Variants in PCDHGB1 observed in about 807,000 individuals in gnomAD.
The protein encoded by PCDHGB1 is protocadherin gamma subfamily B, 1.
A neutral mutation model predicts 56.6 loss-of-function variants in PCDHGB1; 34 were observed. The ratio of observed to expected loss-of-function variants is 0.60; its 90% confidence interval spans 0.46 to 0.80. The LOEUF (loss-of-function observed/expected upper bound fraction) is 0.80, where lower values mean the gene tolerates loss of function less well. PCDHGB1 is among the 30% of genes least tolerant of loss of function. The pLI, the probability that PCDHGB1 is intolerant of heterozygous loss-of-function variation, is 0.00. For synonymous variants in PCDHGB1, 561 were observed against 505.9 expected, an observed-to-expected ratio of 1.11 and a Z score of -1.46; for missense variants, 1,278 against 1,204.6, an observed-to-expected ratio of 1.06 and a Z score of -0.90.
At chr5:141,409,330 C>T (rs920851409) in intron 1 of PCDHGB1, 1 of 1,613,836 alleles carries the variant, frequency 6.2e-7, no homozygotes, top group African/African-American at 1.3e-5. Flanking sequence ...ATCTGGATTT[C>T]GGAGGAAATG....
At chr5:141,361,701 T>A (rs376967719) in intron 1 of PCDHGB1, 65 of 1,613,296 alleles carry the variant, frequency 4.0e-5, no homozygotes, top group Non-Finnish European at 5.5e-5. Context: ...CCTTCGATCA[T>A]GAGCAGCTGC....
At chr5:141,361,983 C>T (rs1762266542) in intron 1 of PCDHGB1, 2 of 1,601,638 alleles carry the variant, frequency 1.2e-6, no homozygotes, top group East Asian at 2.2e-5. Flanking sequence ...AGCCCGGGCT[C>T]TTCAGCCTGG....
At position 141,489,861 on chromosome 5, in the gene PCDHGB1, A is replaced by G. The variant is rs1221756350; in HGVS notation, c.2410-4946A>G. The G allele has an allele frequency of 1.2e-5, 19 of 1,614,058 alleles. No individual in the cohort carries two copies. Among genetic ancestry groups the G allele is most frequent in the Non-Finnish European group, 1.5e-5 (18 of 1,179,998 alleles). On this transcript the variant is annotated intron_variant, in intron 1 of 3. Transcript: ENST00000523390. The surrounding 1 kb of genome is among the most constrained non-coding windows in gnomAD (Gnocchi z 4.5). ...AGCTGGATCGTGAAGCCCAGGCAAGACATCAGCTGGTGCTTACTGCTGTGG... is the reference window on the plus strand; with the variant it reads ...AGCTGGATCGTGAAGCCCAGGCAAGGCATCAGCTGGTGCTTACTGCTGTGG...
chr5:141,463,615 A>G (rs1336539466), intron 1 of PCDHGB1, among the ~76,000 whole-genome samples: 1 of 151,408 alleles, frequency 6.6e-6, no homozygotes, highest in Admixed American at 6.6e-5. Context: ...TGCCCGGCTA[A>G]TTTTTTGTAT....
chr5:141,394,826 C>G, intron 1 of PCDHGB1: 1 of 1,613,882 alleles, frequency 6.2e-7, no homozygotes, highest in Non-Finnish European at 8.5e-7. Context: ...TCCCCGAAGT[C>G]CTGACCGAGT....
chr5:141,437,306 C>T (rs1462689998), intron 1 of PCDHGB1, among the ~76,000 whole-genome samples: 1 of 152,104 alleles, frequency 6.6e-6, no homozygotes, highest in Non-Finnish European at 1.5e-5. Flanking sequence ...CAAGTTAAAG[C>T]GTTCAGCTAT....
chr5:141,415,590 A>G lies in PCDHGB1; in HGVS notation c.2409+62921A>G, dbSNP rs201666137. On this transcript the variant is annotated intron_variant, in intron 1 of 3. Transcript: ENST00000523390. ...TGTTAGATGATTCGAAGTTTCCTAT[A>G]GAGGATACCCCATTGGTTCCAGTGA... 60 of 1,613,946 alleles carry G rather than the reference A, an allele frequency of 3.7e-5. 1 individual carries two copies. The African/African-American group carries it at 7.2e-4, about 19-fold the overall frequency.
intron 1 of PCDHGB1, among the ~76,000 whole-genome samples, chr5:141,462,688 A>G (rs919098530): frequency 3.9e-5 from 6 of 152,126 alleles, no homozygotes; most frequent in African/African-American, 1.4e-4. Flanking sequence ...TTTTGAGCAC[A>G]TTTATAATGG....
intron 1 of PCDHGB1, among the ~76,000 whole-genome samples, chr5:141,455,172 G>GT (rs1344126228): frequency 3.3e-5 from 5 of 150,340 alleles, no homozygotes; most frequent in South Asian, 4.2e-4. Context: ...TTTTTTTTTA[G>GT]TTTTTTTATT....
rs370792537 is a variant in PCDHGB1 at position 141,370,669 on chromosome 5, G to A, written c.2409+18000G>A. ...TTACTTGTGAGCGACCGTATAGACC[G>A]AGAGGAGATTTGTGGCAAGAAGTCG... is the stretch of plus-strand genomic sequence containing the variant. On this transcript the variant is annotated intron_variant, in intron 1 of 3. Coordinates refer to ENST00000523390, the MANE Select transcript of PCDHGB1 (RefSeq NM_018922.3). The A allele has an allele frequency of 5.6e-6, 9 of 1,613,788 alleles. No homozygotes were observed. In the East Asian group the frequency reaches 1.1e-4, roughly 20 times the overall value.
Position 141,485,859 on chromosome 5 carries a change from G to A in PCDHGB1, c.2410-8948G>A, listed in dbSNP as rs1272239385. ...CCGAGATCTGGCACCGCAGAGCTCC[G>A]GGTATCCGTGCTGGACGTAAACGAC... On this transcript the variant is annotated intron_variant, in intron 1 of 3. Transcript: ENST00000523390. This position sits in a 1 kb window ranked among gnomAD's most constrained non-coding sequence, Gnocchi z 5.7. 3.7e-6 allele frequency: 6 copies of A among 1,614,046 alleles called. No homozygotes were observed. Among genetic ancestry groups the A allele is most frequent in the Admixed American group, 3.3e-5 (2 of 60,000 alleles).
At chr5:141,484,120 C>A (rs1158603108) in intron 1 of PCDHGB1, among the ~76,000 whole-genome samples, 1 of 152,146 alleles carries the variant, frequency 6.6e-6, no homozygotes, top group African/African-American at 2.4e-5. Flanking sequence ...ATCAAGAATA[C>A]CTTGGTGTCA....
At chr5:141,395,134 A>G (rs1468654358) in intron 1 of PCDHGB1, 7 of 1,614,062 alleles carry the variant, frequency 4.3e-6, no homozygotes, top group Middle Eastern at 1.6e-4. Flanking sequence ...CCCCAGCCCA[A>G]CTACGCAGAC....
rs889945954 is a variant in PCDHGB1, at chr5:141,489,368, C to A, written c.2410-5439C>A. The A allele has an allele frequency of 2.5e-6, 4 of 1,613,384 alleles. No homozygotes were observed. Among genetic ancestry groups the A allele is most frequent in the Non-Finnish European group, 3.4e-6 (4 of 1,179,478 alleles). On this transcript the variant is annotated intron_variant, in intron 1 of 3. Coordinates refer to ENST00000523390, the MANE Select transcript of PCDHGB1 (RefSeq NM_018922.3). The surrounding 1 kb of genome is among the most constrained non-coding windows in gnomAD (Gnocchi z 4.5). ...GTGGTGGAGGAGTCTGAGCCGGGGA[C>A]GCTGGTGGGGAATGTTGCTCAGGAT...
rs189405542 is a variant in PCDHGB1, at chr5:141,370,398, G to A, written c.2409+17729G>A. On this transcript the variant is annotated intron_variant, in intron 1 of 3. Transcript: ENST00000523390. ...AGGCAAAGGCGCAGAGAGCGGGATG[G>A]GAAATAGCTCCGGATGGAGGGGCCC... 5 of 1,550,336 alleles carry A rather than the reference G, an allele frequency of 3.2e-6. No individual in the cohort carries two copies. In the Admixed American group the frequency reaches 1.0e-4, roughly 32 times the overall value.
chr5:141,408,846 TGGACGGA>T, intron 1 of PCDHGB1: 1 of 1,613,698 alleles, frequency 6.2e-7, no homozygotes, highest in Non-Finnish European at 8.5e-7. Flanking sequence ...TTGACTGCCT[TGGACGGA>T]GGGGACCCAC....
At chr5:141,463,103 A>G (rs1235750988) in intron 1 of PCDHGB1, among the ~76,000 whole-genome samples, 1 of 152,206 alleles carries the variant, frequency 6.6e-6, no homozygotes, top group African/African-American at 2.4e-5. Context: ...GTGACCATCA[A>G]GAATTCAGCT....
In PCDHGB1 at chr5:141,432,733, C is replaced by T; in HGVS notation, c.2410-62074C>T. 1 of 1,614,094 alleles carries T rather than the reference C, an allele frequency of 6.2e-7. No individual in the cohort carries two copies. Among genetic ancestry groups the T allele is most frequent in the Middle Eastern group, 1.6e-4 (1 of 6,062 alleles). ...GCCAGCCCCCTCTCTCCGCCACTGTCACGCTCACCGTGGCCGTGGCCGACA... is the reference window on the plus strand; with the variant it reads ...GCCAGCCCCCTCTCTCCGCCACTGTTACGCTCACCGTGGCCGTGGCCGACA... On this transcript the variant is annotated intron_variant, in intron 1 of 3. Coordinates refer to ENST00000523390, the MANE Select transcript of PCDHGB1 (RefSeq NM_018922.3). The surrounding 1 kb of genome is among the most constrained non-coding windows in gnomAD (Gnocchi z 6.0).
At chr5:141,381,826 C>CTTCTTTTTTTTTTTTTTT (rs1777532522) in intron 1 of PCDHGB1, among the ~76,000 whole-genome samples, 1 of 74,284 alleles carries the variant, frequency 1.3e-5, no homozygotes, top group African/African-American at 6.2e-5. Flanking sequence ...CTTTCTTCTT[C>CTTCTTTTTTTTTTTTTTT]TTTTTTTTTT....
Sources: gnomAD v4.1 joint callset for allele counts (sites outside exome capture counted in the v4.1 genomes callset) on GRCh38, gnomAD v4.1.1 for gene constraint, Gnocchi (gnomAD v3.1) non-coding constraint, MANE v1.5 for transcripts, NCBI Gene and HGNC (gene_info 2026-07-23, HGNC 2026-07-21) for gene names.